IFT52: variants seen among roughly 807,000 people sequenced by gnomAD.
The protein encoded by IFT52 is intraflagellar transport 52.
In IFT52, 44 loss-of-function variants were observed where a neutral mutation model predicts 54.4. The ratio of observed to expected loss-of-function variants is 0.81; its 90% CI spans 0.63 to 1.04. IFT52 has a LOEUF of 1.04. Ranked by LOEUF, IFT52 falls within the 50% of genes least tolerant of loss-of-function variation. The pLI is 0.00. For missense variants in IFT52, 452 were observed against 523.6 expected, an observed-to-expected ratio of 0.86 and a Z score of 1.33; for synonymous variants, 181 against 185.3, an observed-to-expected ratio of 0.98 and a Z score of 0.19.
At chr20:43,634,820 A>G (rs901503534) in intron 10 of IFT52, among the ~76,000 whole-genome samples, 6 of 151,984 alleles carry the variant, frequency 3.9e-5, no homozygotes, top group Non-Finnish European at 5.9e-5. Context: ...TATAGGCCCC[A>G]GTGTGTATTC....
Position 43,605,001 on chromosome 20 carries a change from G to A in IFT52, c.414-1G>A. On this transcript the variant is annotated splice_acceptor_variant, in intron 5 of 13. Transcript: ENST00000373030. LOFTEE classifies it high-confidence loss of function. The stretch of plus-strand genomic sequence containing the variant: ...CTAGATTTTAATTTTTCTTCTTCAA[G>A]GGAAATTAGCCGAGCTGCAGGAAAG... 5 of 1,613,122 alleles carry A rather than the reference G, an allele frequency of 3.1e-6. No homozygotes were observed. The highest frequency in any genetic ancestry group is 4.2e-6 in the Non-Finnish European group (5 of 1,179,518).
intron 10 of IFT52, among the ~76,000 whole-genome samples, chr20:43,628,624 G>A (rs1234702184): frequency 1.3e-5 from 2 of 152,292 alleles, no homozygotes; most frequent in East Asian, 1.9e-4. Flanking sequence ...AGGCCGAAGC[G>A]AGCGGATCAC....
chr20:43,635,960 C>A lies in IFT52; in HGVS notation c.958C>A (p.Leu320Ile). The A allele has an allele frequency of 1.2e-6, 2 of 1,614,218 alleles. No individual in the cohort carries two copies. Among genetic ancestry groups the A allele is most frequent in the Non-Finnish European group, 8.5e-7 (1 of 1,180,036 alleles). Residue 320 changes from leucine to isoleucine, a missense_variant, in exon 11 of 14, where the codon CTC (leucine) becomes ATC (isoleucine). By Grantham distance (5) the Leu-to-Ile change is conservative. Coordinates refer to ENST00000373030, the MANE Select transcript of IFT52 (RefSeq NM_016004.5). ...HEQLNVKHEP[L>I]QLIQPQFETP... ...GCAGCTAAATGTGAAACATGAACCA[C>A]TCCAGCTCATCCAGCCTCAGTTTGA...
chr20:43,607,317 C>A (rs1429459511), intron 6 of IFT52, among the ~76,000 whole-genome samples: 1 of 151,302 alleles, frequency 6.6e-6, no homozygotes, highest in Non-Finnish European at 1.5e-5. Context: ...GGGCTGACCC[C>A]CACCTCCCTC....
intron 12 of IFT52, among the ~76,000 whole-genome samples, chr20:43,640,181 G>A (rs112070216): frequency 0.013 from 1,931 of 152,244 alleles, 46 homozygotes; most frequent in African/African-American, 0.044. Flanking sequence ...AAAAGGCCAG[G>A]CGCAGTGGCT....
intron 10 of IFT52, among the ~76,000 whole-genome samples, chr20:43,634,269 T>A (rs1342481602): frequency 1.3e-5 from 2 of 151,946 alleles, no homozygotes; most frequent in South Asian, 4.2e-4. Context: ...ACTTTAAACA[T>A]ATTGATGCAT....
rs753444874 is a variant in IFT52 at position 43,618,928 on chromosome 20, T to C, written c.613-12T>C. ...CGGATTTGAGTATCTGACCCTGCTT[T>C]GTCATCAATAGAACCAAGGTGGGAA... On this transcript the variant is annotated splice_polypyrimidine_tract_variant and intron_variant, in intron 7 of 13. Coordinates refer to ENST00000373030, the MANE Select transcript of IFT52 (RefSeq NM_016004.5). The C allele has an allele frequency of 2.5e-6, 4 of 1,599,816 alleles. No individual in the cohort carries two copies. The East Asian group carries it at 8.9e-5, about 36-fold the overall frequency.
At position 43,594,873 on chromosome 20, in the gene IFT52, G is replaced by A; in HGVS notation, c.119+56G>A. 3 of 912,368 alleles carry A rather than the reference G, an allele frequency of 3.3e-6. No homozygotes were observed. The South Asian group carries it at 4.1e-5, about 12-fold the overall frequency. 56.5% of individuals were successfully genotyped at this position (912,368 alleles called of 1,614,324 possible). On this transcript the variant is annotated intron_variant, in intron 2 of 13. Transcript: ENST00000373030. ...TAAATGATATTGTCCTGCTGATAAA[G>A]CTGAGAAGTCTTTATTTTCTTAGGT...
intron 6 of IFT52, among the ~76,000 whole-genome samples, chr20:43,607,874 C>A (rs1376200729): frequency 1.3e-5 from 2 of 152,214 alleles, no homozygotes; most frequent in Non-Finnish European, 2.9e-5. Context: ...ACTGAGTGAA[C>A]AAGACTCCGT....
rs183209433 is a variant in IFT52, at chr20:43,611,987, G to A, written c.486-1863G>A. ...AGAGGTTGCAGTAAGCTGAGATCAC[G>A]CCATTGCACTCCAGCCTGGGTGATA... is the stretch of plus-strand genomic sequence containing the variant. On this transcript the variant is annotated intron_variant, in intron 6 of 13. Transcript: ENST00000373030. 4.6e-4 allele frequency among the ~76,000 whole-genome samples: 70 copies of A among 152,038 alleles called. 1 individual carries two copies. Among genetic ancestry groups the A allele is most frequent in the Admixed American group, 2.4e-3 (37 of 15,244 alleles).
Position 43,623,979 on chromosome 20 carries a change from A to AT in IFT52, c.857_858insT (p.Phe287LeufsTer32). On this transcript the variant is annotated frameshift_variant, in exon 10 of 14. Transcript: ENST00000373030. LOFTEE classifies it high-confidence loss of function. ...CAGGAGAGTGATGAGATCCCAAGGGACTTTACCACCCTCTTCGACCTGTCC... is the reference window on the plus strand; with the variant it reads ...CAGGAGAGTGATGAGATCCCAAGGGATCTTTACCACCCTCTTCGACCTGTCC... The AT allele has an allele frequency of 1.2e-6, 2 of 1,614,038 alleles. No individual in the cohort carries two copies. The highest frequency in any genetic ancestry group is 1.7e-6 in the Non-Finnish European group (2 of 1,180,010).
At chr20:43,640,441 C>T (rs566706451) in intron 12 of IFT52, among the ~76,000 whole-genome samples, 82 of 151,938 alleles carry the variant, frequency 5.4e-4, no homozygotes, top group Non-Finnish European at 8.1e-4. Flanking sequence ...GTCTGGGTGA[C>T]AGAGTGGGAC....
chr20:43,591,535 G>A (rs1254776062), intron 1 of IFT52, among the ~76,000 whole-genome samples: 3 of 152,034 alleles, frequency 2.0e-5, no homozygotes, highest in Non-Finnish European at 4.4e-5. Context: ...CTCTCACCAG[G>A]GGCTGAACTA....
chr20:43,623,066 C>T (rs1984460991), intron 9 of IFT52, among the ~76,000 whole-genome samples: 1 of 151,920 alleles, frequency 6.6e-6, no homozygotes, highest in African/African-American at 2.4e-5. Flanking sequence ...GCAGATAGGG[C>T]CTGGATGCTA....
chr20:43,620,634 C>T (rs778490773), intron 8 of IFT52, among the ~76,000 whole-genome samples: 3 of 152,212 alleles, frequency 2.0e-5, no homozygotes, highest in Admixed American at 1.3e-4. Flanking sequence ...CTAACCAGGG[C>T]GACGGAGCGA....
intron 3 of IFT52, among the ~76,000 whole-genome samples, chr20:43,602,449 A>G (rs552450001): frequency 2.8e-4 from 42 of 151,710 alleles, no homozygotes; most frequent in African/African-American, 8.7e-4. Flanking sequence ...GGCATGAGCC[A>G]CTGCACCCCG....
chr20:43,592,972 G>A (rs552831314), intron 1 of IFT52, among the ~76,000 whole-genome samples: 159 of 152,230 alleles, frequency 1.0e-3, no homozygotes, highest in African/African-American at 3.6e-3. Context: ...ACTGGTGCGC[G>A]CCTGTAGTCC....
rs1162220472 is a variant in IFT52, at chr20:43,642,947, ACC to A, written c.1266+325_1266+326del. On this transcript the variant is annotated intron_variant, in intron 13 of 13. Coordinates refer to ENST00000373030, the MANE Select transcript of IFT52 (RefSeq NM_016004.5). ...TTTGGGAGGCTGAGGTAGGCAGATC[ACC>A]CGAGGTCAGGAGTTCGAGACCAGCC... 5.9e-5 allele frequency among the ~76,000 whole-genome samples: 9 copies of A among 152,146 alleles called. No homozygotes were observed. The East Asian group carries it at 1.5e-3, about 26-fold the overall frequency.
intron 7 of IFT52, among the ~76,000 whole-genome samples, chr20:43,617,610 A>G (rs971647796): frequency 2.6e-5 from 4 of 151,948 alleles, no homozygotes; most frequent in Admixed American, 2.6e-4. Flanking sequence ...TGCCTGACTA[A>G]TTTTTGTATT....
Sources: gnomAD v4.1 joint callset for allele counts (sites outside exome capture counted in the v4.1 genomes callset) on GRCh38, gnomAD v4.1.1 for gene constraint, MANE v1.5 for transcripts, NCBI Gene and HGNC (gene_info 2026-07-23, HGNC 2026-07-21) for gene names.